PPM1H: variants seen among roughly 807,000 people sequenced by gnomAD.
PPM1H encodes the protein protein phosphatase, Mg2+/Mn2+ dependent 1H.
A neutral mutation model predicts 54.9 loss-of-function variants in PPM1H; 27 were observed. That is an observed-to-expected ratio of 0.49 (90% CI 0.36 to 0.68). The LOEUF (loss-of-function observed/expected upper bound fraction) is 0.68. PPM1H is among the 30% of genes least tolerant of loss of function. The pLI is 0.00. For synonymous variants in PPM1H, 305 were observed against 270.8 expected, an observed-to-expected ratio of 1.13 and a Z score of -1.24; for missense variants, 596 against 667.8, an observed-to-expected ratio of 0.89 and a Z score of 1.19.
chr12:62,911,254 T>TC (rs1038427028), intron 1 of PPM1H, among the ~76,000 whole-genome samples: 1 of 152,084 alleles, frequency 6.6e-6, no homozygotes, highest in African/African-American at 2.4e-5. Context: ...GAAAGATATT[T>TC]CCCCCAACAA....
chr12:62,861,534 TCTC>T (rs1400397370), intron 1 of PPM1H, among the ~76,000 whole-genome samples: 2 of 152,210 alleles, frequency 1.3e-5, no homozygotes, highest in Non-Finnish European at 2.9e-5. Flanking sequence ...CAGGTTGCTT[TCTC>T]CTCGTCAGAC....
chr12:62,825,785 T>C (rs1225861450), intron 2 of PPM1H, among the ~76,000 whole-genome samples: 1 of 151,452 alleles, frequency 6.6e-6, no homozygotes, highest in Non-Finnish European at 1.5e-5. Context: ...CTAATGAAAA[T>C]GATGAGTTAA....
At chr12:62,748,241 T>C (rs912337250) in intron 4 of PPM1H, among the ~76,000 whole-genome samples, 2 of 142,634 alleles carry the variant, frequency 1.4e-5, no homozygotes, top group African/African-American at 5.3e-5. Context: ...AGACTCCGTC[T>C]CAAAAAAAAA....
intron 4 of PPM1H, among the ~76,000 whole-genome samples, chr12:62,743,223 G>T (rs2076392162): frequency 1.3e-5 from 2 of 152,108 alleles, no homozygotes; most frequent in East Asian, 3.9e-4. Flanking sequence ...TGTGGTGGCA[G>T]GCGCCTGTAG....
intron 1 of PPM1H, among the ~76,000 whole-genome samples, chr12:62,839,313 C>G (rs1422780402): frequency 6.6e-6 from 1 of 152,138 alleles, no homozygotes; most frequent in African/African-American, 2.4e-5. Context: ...GTCTCAAGGG[C>G]CACATTCAGC....
intron 1 of PPM1H, among the ~76,000 whole-genome samples, chr12:62,923,911 T>C (rs1487840142): frequency 6.6e-6 from 1 of 150,712 alleles, no homozygotes; most frequent in African/African-American, 2.4e-5. Context: ...TATGAGTCCA[T>C]GAAAATTTAG....
At chr12:62,779,937 C>T (rs1226253316) in intron 4 of PPM1H, among the ~76,000 whole-genome samples, 1 of 152,226 alleles carries the variant, frequency 6.6e-6, no homozygotes, top group Admixed American at 6.5e-5. Flanking sequence ...GCACTCCAGT[C>T]TCTCTTTTGA....
chr12:62,888,626 C>A (rs967746819), intron 1 of PPM1H, among the ~76,000 whole-genome samples: 5 of 152,236 alleles, frequency 3.3e-5, no homozygotes, highest in African/African-American at 1.2e-4. Context: ...AATAAATAAT[C>A]TTGCAAGGAA....
chr12:62,691,818 A>AG (rs1555189441), intron 7 of PPM1H, among the ~76,000 whole-genome samples: 2 of 147,762 alleles, frequency 1.4e-5, no homozygotes, highest in Admixed American at 1.3e-4. Flanking sequence ...CTCAAAAAAA[A>AG]AAAAAAAAAG....
intron 6 of PPM1H, among the ~76,000 whole-genome samples, chr12:62,701,535 T>TCACTCTC (rs1270609176): frequency 6.6e-6 from 1 of 152,324 alleles, no homozygotes; most frequent in Non-Finnish European, 1.5e-5. Context: ...TCCACAAGCA[T>TCACTCTC]CACTCTCCAC....
At chr12:62,655,655 G>A (rs2075839856) in intron 9 of PPM1H, among the ~76,000 whole-genome samples, 1 of 152,172 alleles carries the variant, frequency 6.6e-6, no homozygotes, top group Non-Finnish European at 1.5e-5. Context: ...TGGTACAGCT[G>A]GAGACAGCCA....
chr12:62,696,529 T>C lies in PPM1H; in HGVS notation c.1074-2530A>G, dbSNP rs545130512. Reference sequence around the variant, plus strand: ...CTTTCTGAATCCTAAGCACAGATCATCATATAAAGTTAAGTGGACTTCCAT... The same window carrying C: ...CTTTCTGAATCCTAAGCACAGATCACCATATAAAGTTAAGTGGACTTCCAT... On this transcript the variant is annotated intron_variant, in intron 6 of 9. Transcript: ENST00000228705. Among the ~76,000 whole-genome samples the C allele has an allele frequency of 1.3e-3, 194 of 152,308 alleles. No homozygotes were observed. The Middle Eastern group carries it at 0.017, about 13-fold the overall frequency.
intron 1 of PPM1H, among the ~76,000 whole-genome samples, chr12:62,881,026 G>A (rs887584603): frequency 2.6e-5 from 4 of 152,100 alleles, no homozygotes; most frequent in African/African-American, 7.2e-5. Flanking sequence ...CCCTCGAATG[G>A]TGTCCCCTTG....
chr12:62,789,664 A>T (rs889191513), intron 3 of PPM1H, among the ~76,000 whole-genome samples: 1 of 152,182 alleles, frequency 6.6e-6, no homozygotes, highest in African/African-American at 2.4e-5. Flanking sequence ...CGTCCTCAAG[A>T]CCATCACTAT....
intron 1 of PPM1H, among the ~76,000 whole-genome samples, chr12:62,884,300 G>A (rs1256654793): frequency 6.8e-5 from 10 of 148,126 alleles, no homozygotes; most frequent in South Asian, 2.2e-4. Context: ...CAGCCTGGCC[G>A]ACATGGTGAA....
At chr12:62,847,207 A>G (rs183499331) in intron 1 of PPM1H, among the ~76,000 whole-genome samples, 1 of 152,378 alleles carries the variant, frequency 6.6e-6, no homozygotes, top group African/African-American at 2.4e-5. Flanking sequence ...CATATTTGTG[A>G]GAAGAGTACA....
At chr12:62,706,810 C>T (rs1468904821) in intron 6 of PPM1H, among the ~76,000 whole-genome samples, 2 of 152,106 alleles carry the variant, frequency 1.3e-5, no homozygotes, top group African/African-American at 2.4e-5. Flanking sequence ...TATTAATTCT[C>T]TTCCTAAAAT....
chr12:62,789,436 TAAATGACTTA>T (rs1267307431), intron 3 of PPM1H, among the ~76,000 whole-genome samples: 7 of 152,218 alleles, frequency 4.6e-5, no homozygotes, highest in Admixed American at 3.9e-4. Flanking sequence ...CAATGACTTA[TAAATGACTTA>T]AAATGACTTA....
chr12:62,836,050 G>A (rs80284214), intron 1 of PPM1H, among the ~76,000 whole-genome samples: 2,861 of 152,280 alleles, frequency 0.019, 93 homozygotes, highest in African/African-American at 0.064. Context: ...ATTGCTGTAT[G>A]CTCCAGCGTA....
Sources: allele counts gnomAD v4.1 joint callset (sites outside exome capture counted in the v4.1 genomes callset), GRCh38; gene constraint gnomAD v4.1.1; transcripts MANE v1.5; gene names NCBI Gene and HGNC (gene_info 2026-07-23, HGNC 2026-07-21).